The following ESRRG variants were observed in gnomAD, a reference collection of about 807,000 sequenced individuals.
The protein encoded by ESRRG is estrogen-related receptor gamma.
Under a neutral mutation model 44.0 loss-of-function variants are expected in ESRRG, and 13 were observed. The observed-to-expected ratio is 0.30, with a 90% CI of 0.19 to 0.47. ESRRG has a LOEUF of 0.47. ESRRG is among the 20% of genes least tolerant of loss of function. The probability of loss-of-function intolerance (pLI) is 1.00; values close to 1 mark genes in which losing one functional copy is unlikely to be tolerated. For missense variants in ESRRG, 395 were observed against 580.6 expected (o/e 0.68, Z 3.29); for synonymous variants, 215 against 214.6 (o/e 1.00, Z -0.02).
chr1:216,812,991 T>C (rs935736273), intron 2 of ESRRG, among the ~76,000 whole-genome samples: 17 of 152,148 alleles, frequency 1.1e-4, no homozygotes, highest in Admixed American at 8.5e-4. Flanking sequence ...AAACATGATG[T>C]TAACTGAGAC....
chr1:216,936,962 G>T (rs1052680870), intron 2 of ESRRG, among the ~76,000 whole-genome samples: 1 of 151,986 alleles, frequency 6.6e-6, no homozygotes, highest in African/African-American at 2.4e-5. Context: ...TAACCGAGAG[G>T]CATTCTCAAG....
At chr1:217,029,914 C>T (rs1367534733) in intron 1 of ESRRG, among the ~76,000 whole-genome samples, 1 of 152,194 alleles carries the variant, frequency 6.6e-6, no homozygotes, top group African/African-American at 2.4e-5. Context: ...CTCTTTCTTC[C>T]ATTTGCTTTG....
chr1:216,974,191 G>A (rs2789575), intron 1 of ESRRG, among the ~76,000 whole-genome samples: 126,870 of 152,124 alleles, frequency 0.83, 53,044 homozygotes, highest in East Asian at 1. Flanking sequence ...ATAGTTAAAA[G>A]TACTTTATTG....
At chr1:216,974,270 C>A (rs907776732) in intron 1 of ESRRG, among the ~76,000 whole-genome samples, 2 of 152,144 alleles carry the variant, frequency 1.3e-5, no homozygotes, top group Non-Finnish European at 2.9e-5. Context: ...ATTGAAGTGA[C>A]AGACATCCCA....
intron 5 of ESRRG, among the ~76,000 whole-genome samples, chr1:216,545,813 C>G (rs775292014): frequency 2.0e-4 from 30 of 151,976 alleles, no homozygotes; most frequent in Non-Finnish European, 3.8e-4. Context: ...TTAGAGTTCA[C>G]TATTTTTTCT....
intron 2 of ESRRG, among the ~76,000 whole-genome samples, chr1:216,934,847 T>C (rs185517754): frequency 1.1e-3 from 174 of 152,284 alleles, no homozygotes; most frequent in African/African-American, 3.8e-3. Flanking sequence ...TTGGTGACTC[T>C]TTTGATAGTT....
intron 5 of ESRRG, among the ~76,000 whole-genome samples, chr1:216,534,643 T>C (rs542950605): frequency 5.9e-5 from 9 of 152,338 alleles, no homozygotes; most frequent in African/African-American, 2.2e-4. Flanking sequence ...TGTAGCCGAA[T>C]AACTGATGCA....
At chr1:216,606,956 T>TA (rs1348451861) in intron 3 of ESRRG, among the ~76,000 whole-genome samples, 1 of 152,182 alleles carries the variant, frequency 6.6e-6, no homozygotes, top group East Asian at 1.9e-4. Flanking sequence ...CAGAGAAAGG[T>TA]AATTTATCAT....
intron 2 of ESRRG, among the ~76,000 whole-genome samples, chr1:216,794,256 G>A (rs982195520): frequency 6.6e-6 from 1 of 152,168 alleles, no homozygotes; most frequent in South Asian, 2.1e-4. Context: ...GTAGGTCTTG[G>A]GTTTAGGGAG....
At chr1:216,796,474 C>A (rs1456502130) in intron 2 of ESRRG, among the ~76,000 whole-genome samples, 2 of 152,160 alleles carry the variant, frequency 1.3e-5, no homozygotes, top group Non-Finnish European at 2.9e-5. Flanking sequence ...ATTCACAGTT[C>A]CTATCTTTGC....
chr1:216,718,764 T>A (rs1328662523), intron 1 of ESRRG, among the ~76,000 whole-genome samples: 1 of 152,012 alleles, frequency 6.6e-6, no homozygotes, highest in Non-Finnish European at 1.5e-5. Flanking sequence ...TACGCACTTA[T>A]AATAGATCAA....
intron 1 of ESRRG, among the ~76,000 whole-genome samples, chr1:217,128,737 A>T (rs1242354958): frequency 2.0e-5 from 3 of 152,214 alleles, no homozygotes; most frequent in Non-Finnish European, 4.4e-5. Flanking sequence ...ATAACTTTAC[A>T]TACTCCCTGA....
intron 3 of ESRRG, among the ~76,000 whole-genome samples, chr1:216,597,966 T>C (rs1003242592): frequency 6.6e-6 from 1 of 152,228 alleles, no homozygotes; most frequent in African/African-American, 2.4e-5. Flanking sequence ...TATTCCACAG[T>C]ATACCTATCA....
At chr1:217,048,994 A>G (rs544843485) in intron 1 of ESRRG, among the ~76,000 whole-genome samples, 1 of 151,966 alleles carries the variant, frequency 6.6e-6, no homozygotes, top group Non-Finnish European at 1.5e-5. Flanking sequence ...GCCCTTCATA[A>G]TCAGGCACTC....
At chr1:216,725,124 A>G (rs1236172169), upstream of ESRRG, among the ~76,000 whole-genome samples, 1 of 152,182 alleles carries the variant, frequency 6.6e-6, no homozygotes, top group Non-Finnish European at 1.5e-5. Flanking sequence ...TAAAAATGAC[A>G]GACATGATTT....
chr1:217,104,809 C>A (rs12090419), intron 1 of ESRRG, among the ~76,000 whole-genome samples: 1,804 of 152,160 alleles, frequency 0.012, 34 homozygotes, highest in African/African-American at 0.038. Flanking sequence ...ATTTTGTATC[C>A]AATATTTTTT....
intron 1 of ESRRG, among the ~76,000 whole-genome samples, chr1:217,076,016 A>G (rs1217573646): frequency 6.6e-6 from 1 of 152,214 alleles, no homozygotes; most frequent in East Asian, 1.9e-4. Flanking sequence ...TGATGCATCT[A>G]TTCAGAAGAA....
At position 216,504,333 on chromosome 1, in the gene ESRRG, T is replaced by C. The variant is rs1464745294; in HGVS notation, c.*2606A>G. ...GAATCAGCACCTTTTTTCCCAGGAG[T>C]TGTATTTTCTGTTGTTATTTTTAAA... On this transcript the variant is annotated 3_prime_UTR_variant, in exon 7 of 7. Transcript: ENST00000408911. The C allele has an allele frequency of 2.0e-5, 3 of 152,116 alleles. No homozygotes were observed. Among genetic ancestry groups the C allele is most frequent in the Non-Finnish European group, 2.9e-5 (2 of 67,888 alleles). 9.4% of individuals were successfully genotyped at this position (152,116 alleles called of 1,614,324 possible).
chr1:216,936,040 G>T (rs1473705616), intron 2 of ESRRG, among the ~76,000 whole-genome samples: 2 of 152,046 alleles, frequency 1.3e-5, no homozygotes, highest in Admixed American at 6.6e-5. Context: ...TGTAATCATG[G>T]CTTGTTTTTT....
Sources: gnomAD v4.1 joint callset for allele counts (sites outside exome capture counted in the v4.1 genomes callset) on GRCh38, gnomAD v4.1.1 for gene constraint, MANE v1.5 for transcripts, NCBI Gene and HGNC (gene_info 2026-07-23, HGNC 2026-07-21) for gene names.